ZFYVE9: variants seen among roughly 807,000 people sequenced by gnomAD.
ZFYVE9 encodes the protein zinc finger FYVE-type containing 9.
A neutral mutation model predicts 126.7 loss-of-function variants in ZFYVE9; 43 were observed. The ratio of observed to expected loss-of-function variants is 0.34; its 90% CI spans 0.27 to 0.44. The LOEUF (loss-of-function observed/expected upper bound fraction) is 0.44, where lower values mean the gene tolerates loss of function less well. ZFYVE9 is among the 20% of genes least tolerant of loss of function. ZFYVE9 has a pLI of 1.00. For synonymous variants in ZFYVE9, 521 were observed against 597.4 expected (o/e 0.87, Z 1.87); for missense variants, 1,476 against 1,697.0 (o/e 0.87, Z 2.29).
intron 12 of ZFYVE9, among the ~76,000 whole-genome samples, chr1:52,297,347 C>T (rs535644404): frequency 4.2e-4 from 64 of 151,272 alleles, no homozygotes; most frequent in Non-Finnish European, 7.4e-4. Flanking sequence ...AAGAGAGTCT[C>T]CTGCTTCAGC....
At chr1:52,209,881 T>C (rs984418477) in intron 1 of ZFYVE9, among the ~76,000 whole-genome samples, 1 of 152,172 alleles carries the variant, frequency 6.6e-6, no homozygotes, top group Non-Finnish European at 1.5e-5. Flanking sequence ...CATTGAATGA[T>C]GTTAAGTATG....
intron 1 of ZFYVE9, among the ~76,000 whole-genome samples, chr1:52,202,569 C>T (rs954070603): frequency 2.0e-5 from 3 of 152,002 alleles, no homozygotes; most frequent in Admixed American, 2.0e-4. Context: ...GCATGAGCCA[C>T]TGTGCCTGGC....
intron 3 of ZFYVE9, 141 bp from the exon 4 acceptor site, chr1:52,237,344 TTTC>T (rs1645282165): frequency 1.4e-6 from 1 of 733,974 alleles, no homozygotes; most frequent in African/African-American, 1.8e-5. Context: ...TGAAATATAT[TTTC>T]TTATTTTTTA....
intron 12 of ZFYVE9, among the ~76,000 whole-genome samples, chr1:52,299,019 A>G (rs1421737439): frequency 6.6e-6 from 1 of 151,998 alleles, no homozygotes; most frequent in Non-Finnish European, 1.5e-5. Flanking sequence ...TGTGTTAGCC[A>G]GGATGGTCTC....
At chr1:52,325,863 A>G (rs1022392064) in intron 13 of ZFYVE9, among the ~76,000 whole-genome samples, 1 of 152,204 alleles carries the variant, frequency 6.6e-6, no homozygotes, top group East Asian at 1.9e-4. Context: ...GATCTCAGAG[A>G]GGAAATTGGA....
chr1:52,311,244 A>G (rs1646134204), intron 13 of ZFYVE9, among the ~76,000 whole-genome samples: 1 of 149,562 alleles, frequency 6.7e-6, no homozygotes, highest in Non-Finnish European at 1.5e-5. Context: ...TGTTAGAATC[A>G]AATAGACCTT....
chr1:52,215,726 G>A (rs1006839160), intron 1 of ZFYVE9, among the ~76,000 whole-genome samples: 1 of 152,056 alleles, frequency 6.6e-6, no homozygotes, highest in Non-Finnish European at 1.5e-5. Context: ...AGTTATAGTT[G>A]GGCTACCATA....
At position 52,199,226 on chromosome 1, in the gene ZFYVE9, G is replaced by A. The variant is rs184194176; in HGVS notation, c.-142-17143G>A. On this transcript the variant is annotated intron_variant, in intron 1 of 18. Coordinates refer to ENST00000287727, the MANE Select transcript of ZFYVE9 (RefSeq NM_004799.4). Reference sequence around the variant, plus strand: ...GACTATAGGCGCTGCCACTACGCCCGGCTAATTTTTTGTATTTTTTTTAGT... The same window carrying A: ...GACTATAGGCGCTGCCACTACGCCCAGCTAATTTTTTGTATTTTTTTTAGT... Among the ~76,000 whole-genome samples, 80 of 152,114 alleles carry A rather than the reference G, an allele frequency of 5.3e-4. No individual in the cohort carries two copies. The East Asian group carries it at 0.014, about 28-fold the overall frequency.
chr1:52,178,881 T>C (rs1440175593), intron 1 of ZFYVE9, among the ~76,000 whole-genome samples: 4 of 152,052 alleles, frequency 2.6e-5, no homozygotes, highest in African/African-American at 4.8e-5. Flanking sequence ...TCATGGCTCA[T>C]TGGAGCCTCG....
At position 52,296,380 on chromosome 1, in the gene ZFYVE9, TAG is replaced by T. The variant is rs561888362; in HGVS notation, c.3333+404_3333+405del. On this transcript the variant is annotated intron_variant, in intron 12 of 18. Coordinates refer to ENST00000287727, the MANE Select transcript of ZFYVE9 (RefSeq NM_004799.4). Reference sequence around the variant, plus strand: ...TCTATGAGTTTCTCTTGTGTCTATATAGGTTATTATCCAAGCAAAGATTGGTC... The same window carrying T: ...TCTATGAGTTTCTCTTGTGTCTATATGTTATTATCCAAGCAAAGATTGGTC... 1.5e-4 allele frequency among the ~76,000 whole-genome samples: 23 copies of T among 152,168 alleles called. No homozygotes were observed. The East Asian group carries it at 4.1e-3, about 27-fold the overall frequency.
rs1644808187 is a variant in ZFYVE9 at position 52,190,679 on chromosome 1, G to A, written c.-142-25690G>A. Among the ~76,000 whole-genome samples the A allele has an allele frequency of 3.9e-5, 6 of 152,172 alleles. No homozygotes were observed. In the South Asian group the frequency reaches 1.2e-3, roughly 32 times the overall value. ...ATTGGGGCTGTGGTTCATTATAAGGGTCTGTGTGTATGTGAGTCACAGTGA... is the reference window on the plus strand; with the variant it reads ...ATTGGGGCTGTGGTTCATTATAAGGATCTGTGTGTATGTGAGTCACAGTGA... On this transcript the variant is annotated intron_variant, in intron 1 of 18. Transcript: ENST00000287727.
chr1:52,253,264 G>C (rs576516755), intron 4 of ZFYVE9, among the ~76,000 whole-genome samples: 1 of 152,230 alleles, frequency 6.6e-6, no homozygotes, highest in African/African-American at 2.4e-5. Context: ...AACTGGCCAA[G>C]TGTCTTTATT....
chr1:52,340,277 T>G, intron 17 of ZFYVE9, 46 bp downstream of exon 17: 1 of 1,475,090 alleles, frequency 6.8e-7, no homozygotes, highest in Non-Finnish European at 9.4e-7. Context: ...TGAGCACAAC[T>G]TTTTGCTAGG....
chr1:52,345,517 C>A (rs1169022796), intron 18 of ZFYVE9, among the ~76,000 whole-genome samples: 2 of 152,148 alleles, frequency 1.3e-5, no homozygotes, highest in East Asian at 3.8e-4. Context: ...AACGGCTTGC[C>A]CAATGCTATA....
chr1:52,307,517 G>A (rs1045291604), intron 13 of ZFYVE9, among the ~76,000 whole-genome samples: 2 of 152,126 alleles, frequency 1.3e-5, no homozygotes, highest in Non-Finnish European at 2.9e-5. Flanking sequence ...AATTACAGGT[G>A]TGTGCCACTG....
intron 8 of ZFYVE9, among the ~76,000 whole-genome samples, chr1:52,277,322 C>T (rs916863419): frequency 7.2e-5 from 11 of 152,080 alleles, no homozygotes; most frequent in Admixed American, 5.2e-4. Context: ...CTAAATTGGC[C>T]TACTCTGTTG....
intron 1 of ZFYVE9, among the ~76,000 whole-genome samples, chr1:52,214,154 C>T (rs771888037): frequency 3.9e-5 from 6 of 152,144 alleles, no homozygotes; most frequent in Non-Finnish European, 7.4e-5. Flanking sequence ...TGGCCGGGCG[C>T]GGTGCCTCAT....
intron 1 of ZFYVE9, among the ~76,000 whole-genome samples, chr1:52,164,405 G>A (rs1399708448): frequency 6.6e-6 from 1 of 151,916 alleles, no homozygotes; most frequent in Non-Finnish European, 1.5e-5. Flanking sequence ...GCAGAGATGG[G>A]CTTTTAACAC....
intron 12 of ZFYVE9, among the ~76,000 whole-genome samples, chr1:52,299,927 A>G (rs76599770): frequency 1.2e-4 from 18 of 152,330 alleles, no homozygotes; most frequent in Non-Finnish European, 1.6e-4. Flanking sequence ...GCAACTACAA[A>G]CTGGATTCAG....
Sources: allele counts gnomAD v4.1 joint callset (sites outside exome capture counted in the v4.1 genomes callset), GRCh38; gene constraint gnomAD v4.1.1; transcripts MANE v1.5; gene names NCBI Gene and HGNC (gene_info 2026-07-23, HGNC 2026-07-21).